KLHL1: variants seen among roughly 807,000 people sequenced by gnomAD.
KLHL1 encodes the protein kelch like family member 1, also known as kelch-like protein 1.
A neutral mutation model predicts 77.7 loss-of-function variants in KLHL1; 47 were observed. That is an observed-to-expected ratio of 0.60 (90% CI 0.48 to 0.77). The LOEUF is 0.77. Among genes scored for constraint, KLHL1 ranks in the 30% least tolerant of loss-of-function variants. KLHL1 has a pLI of 0.00. For synonymous variants in KLHL1, 360 were observed against 325.2 expected (o/e 1.11, Z -1.15); for missense variants, 925 against 910.8 (o/e 1.02, Z -0.20).
At chr13:70,090,140 T>G (rs2137440962) in intron 1 of KLHL1, among the ~76,000 whole-genome samples, 1 of 152,256 alleles carries the variant, frequency 6.6e-6, no homozygotes, top group East Asian at 1.9e-4. Context: ...AATAAGTCTA[T>G]TTATATGTTG....
At chr13:69,763,873 C>A (rs1262104729) in intron 7 of KLHL1, among the ~76,000 whole-genome samples, 3 of 152,174 alleles carry the variant, frequency 2.0e-5, no homozygotes, top group African/African-American at 7.2e-5. Flanking sequence ...GAGATTCCAG[C>A]ATAATAAGAA....
chr13:69,749,564 A>T (rs544777020), intron 7 of KLHL1, among the ~76,000 whole-genome samples: 3 of 152,170 alleles, frequency 2.0e-5, no homozygotes, highest in African/African-American at 4.8e-5. Context: ...GTTTATTGAA[A>T]GAAACAAACT....
intron 1 of KLHL1, among the ~76,000 whole-genome samples, chr13:70,049,500 T>G (rs941547896): frequency 5.9e-5 from 9 of 152,182 alleles, no homozygotes; most frequent in Admixed American, 6.6e-5. Context: ...GGACTGCAGC[T>G]ATTTCACCTG....
At chr13:69,979,808 CAT>C (rs1347732245) in intron 1 of KLHL1, among the ~76,000 whole-genome samples, 1 of 152,122 alleles carries the variant, frequency 6.6e-6, no homozygotes, top group African/African-American at 2.4e-5. Flanking sequence ...TCCAACCTAA[CAT>C]ATATAAAAAT....
intron 4 of KLHL1, among the ~76,000 whole-genome samples, chr13:69,889,988 C>A (rs1210695540): frequency 6.6e-6 from 1 of 151,886 alleles, no homozygotes; most frequent in Non-Finnish European, 1.5e-5. Flanking sequence ...GTCATTCAAG[C>A]AATAATGTTT....
chr13:69,982,508 T>G (rs2137301155), intron 1 of KLHL1, among the ~76,000 whole-genome samples: 1 of 148,432 alleles, frequency 6.7e-6, no homozygotes, highest in South Asian at 2.1e-4. Context: ...TCAAAACATG[T>G]TACTAAAGAA....
intron 1 of KLHL1, among the ~76,000 whole-genome samples, chr13:70,044,247 T>C (rs907405768): frequency 6.6e-6 from 1 of 152,218 alleles, no homozygotes; most frequent in South Asian, 2.1e-4. Flanking sequence ...CTTCACTTGC[T>C]CTTCACTCTC....
intron 2 of KLHL1, among the ~76,000 whole-genome samples, chr13:69,963,540 A>G (rs1000112197): frequency 6.6e-6 from 1 of 152,182 alleles, no homozygotes; most frequent in Non-Finnish European, 1.5e-5. Flanking sequence ...AACTCAATCA[A>G]TTGAAAATTC....
intron 8 of KLHL1, among the ~76,000 whole-genome samples, chr13:69,735,596 AATAT>A (rs1873732578): frequency 6.7e-6 from 1 of 150,092 alleles, no homozygotes; most frequent in South Asian, 2.1e-4. Flanking sequence ...AATATTAAAA[AATAT>A]AAATAAACAT....
At chr13:69,716,507 T>C (rs745351891) in intron 9 of KLHL1, among the ~76,000 whole-genome samples, 1 of 152,194 alleles carries the variant, frequency 6.6e-6, no homozygotes, top group Non-Finnish European at 1.5e-5. Flanking sequence ...CAATATGAAA[T>C]GATCCCTCTG....
At chr13:69,862,699 T>TATGGGTGAGTCCC (rs72342329) in intron 5 of KLHL1, among the ~76,000 whole-genome samples, 4 of 151,788 alleles carry the variant, frequency 2.6e-5, no homozygotes, top group Non-Finnish European at 4.4e-5. Flanking sequence ...AAATGAGGTA[T>TATGGGTGAGTCCC]TAATGCAATA....
At chr13:69,887,514 T>C (rs1881263564) in intron 4 of KLHL1, among the ~76,000 whole-genome samples, 1 of 152,188 alleles carries the variant, frequency 6.6e-6, no homozygotes, top group Non-Finnish European at 1.5e-5. Context: ...CTATAAGCAG[T>C]TGACGAAAGC....
chr13:70,011,403 T>C (rs1181818651), intron 1 of KLHL1, among the ~76,000 whole-genome samples: 1 of 152,216 alleles, frequency 6.6e-6, no homozygotes, highest in African/African-American at 2.4e-5. Flanking sequence ...GACCAGATAG[T>C]AACTCATTTT....
At chr13:70,070,445 G>A (rs1277791643) in intron 1 of KLHL1, among the ~76,000 whole-genome samples, 1 of 151,792 alleles carries the variant, frequency 6.6e-6, no homozygotes, top group African/African-American at 2.4e-5. Context: ...AAAAGAGAGT[G>A]GAGTAAAATA....
At chr13:69,752,818 G>A (rs967693817) in intron 7 of KLHL1, among the ~76,000 whole-genome samples, 7 of 152,164 alleles carry the variant, frequency 4.6e-5, no homozygotes, top group African/African-American at 1.7e-4. Context: ...TAAGCGAATA[G>A]GTATTTTATA....
At chr13:69,787,997 A>T (rs1317100472) in intron 7 of KLHL1, among the ~76,000 whole-genome samples, 1 of 152,250 alleles carries the variant, frequency 6.6e-6, no homozygotes. Flanking sequence ...CAATCATTAA[A>T]AAGTCAGGAA....
intron 7 of KLHL1, among the ~76,000 whole-genome samples, chr13:69,796,018 G>A (rs1439184308): frequency 2.0e-5 from 3 of 151,964 alleles, no homozygotes; most frequent in Non-Finnish European, 2.9e-5. Flanking sequence ...GCACTACTTC[G>A]GCCTTTCCAT....
At chr13:69,887,112 A>ATC (rs1881248871) in intron 4 of KLHL1, among the ~76,000 whole-genome samples, 1 of 152,186 alleles carries the variant, frequency 6.6e-6, no homozygotes, top group Non-Finnish European at 1.5e-5. Flanking sequence ...TTTGGGTCTA[A>ATC]GATTTTAAAA....
At chr13:70,068,302 C>T (rs1293516340) in intron 1 of KLHL1, among the ~76,000 whole-genome samples, 3 of 151,956 alleles carry the variant, frequency 2.0e-5, no homozygotes, top group South Asian at 4.1e-4. Context: ...GATCGCGCCA[C>T]TGCACTCCAG....
Sources: gnomAD v4.1 joint callset for allele counts (sites outside exome capture counted in the v4.1 genomes callset) on GRCh38, gnomAD v4.1.1 for gene constraint, MANE v1.5 for transcripts, NCBI Gene and HGNC (gene_info 2026-07-23, HGNC 2026-07-21) for gene names.